LENG8: variants seen among roughly 807,000 people sequenced by gnomAD.
LENG8 encodes the protein leukocyte receptor cluster (LRC) member 8.
LENG8 carries 28 observed loss-of-function variants against 102.1 expected under a neutral mutation model. The observed-to-expected ratio is 0.27, with a 90% CI of 0.20 to 0.38. The LOEUF (loss-of-function observed/expected upper bound fraction) is 0.38, where lower values mean the gene tolerates loss of function less well. Among genes scored for constraint, LENG8 ranks in the 10% least tolerant of loss-of-function variants. The probability of loss-of-function intolerance (pLI) is 1.00; values close to 1 mark genes in which losing one functional copy is unlikely to be tolerated. For synonymous variants in LENG8, 531 were observed against 456.7 expected (o/e 1.16, Z -2.07); for missense variants, 1,022 against 1,113.9 (o/e 0.92, Z 1.17).
Position 54,454,451 on chromosome 19 carries a change from G to A in LENG8, c.448G>A (p.Glu150Lys). 1.9e-6 allele frequency: 3 copies of A among 1,611,474 alleles called. No individual in the cohort carries two copies. Among genetic ancestry groups the A allele is most frequent in the Admixed American group, 1.7e-5 (1 of 59,806 alleles). The change falls in exon 6 of 16, where the codon GAG becomes AAG. Residue 150 changes from glutamate to lysine, a missense_variant. Physicochemically the swap from Glu to Lys is moderately conservative, Grantham distance 56. This residue lies in a region of LENG8 where 343 missense variants were observed against 320.2 expected (regional missense o/e 1.07). Transcript: ENST00000326764. Reference sequence around the variant, plus strand: ...GCAGCCCCCAGTCCCCGGCATGGATGAGAGCATGTCCTACCAGGCTCCCCC... The same window carrying A: ...GCAGCCCCCAGTCCCCGGCATGGATAAGAGCATGTCCTACCAGGCTCCCCC... Reference protein sequence around the residue: ...LNQPPVPGMDESMSYQAPPQQ... With the variant: ...LNQPPVPGMDKSMSYQAPPQQ...
rs541280344 is a variant in LENG8, at chr19:54,461,364, C to T, written c.*436C>T. 19 of 458,058 alleles carry T rather than the reference C, an allele frequency of 4.1e-5. No individual in the cohort carries two copies. The highest frequency in any genetic ancestry group is 1.4e-4 in the Admixed American group (6 of 42,306). 28.4% of individuals were successfully genotyped at this position (458,058 alleles called of 1,614,324 possible). A position where few individuals can be genotyped will look rare whatever the true frequency, so the allele number is the denominator to read the frequency against. ...CTGCGGCGGGGGCACCCAGCAAGCC[C>T]GCCCACCGCCCGCTGCCTCACCTGC... On this transcript the variant is annotated 3_prime_UTR_variant, in exon 16 of 16. Coordinates refer to ENST00000326764, the MANE Select transcript of LENG8 (RefSeq NM_052925.4).
chr19:54,458,458 G>A lies in LENG8; in HGVS notation c.2177G>A (p.Gly726Asp). The A allele has an allele frequency of 6.2e-7, 1 of 1,614,252 alleles. No homozygotes were observed. Among genetic ancestry groups the A allele is most frequent in the Non-Finnish European group, 8.5e-7 (1 of 1,180,044 alleles). Residue 726 changes from glycine (G) to aspartate (D), a missense_variant, in exon 15 of 16, where the codon GGC becomes GAC. Transcript: ENST00000326764. ...TACTGCCATGCACCCTGCATGTCTG[G>A]CTACCTCGTGGACAAGTTTGCAGAT... The part of the protein sequence containing the change: ...RLYCHAPCMS[G>D]YLVDKFADRE...
intron 15 of LENG8, chr19:54,459,114 A>C: frequency 2.2e-6 from 3 of 1,355,010 alleles, no homozygotes; most frequent in Admixed American, 3.2e-5. Context: ...GAGTTGCTTG[A>C]CTCATGTTTA....
chr19:54,457,183 G>A (rs1424932611), intron 11 of LENG8, among the ~76,000 whole-genome samples: 2 of 152,248 alleles, frequency 1.3e-5, no homozygotes, highest in Non-Finnish European at 2.9e-5. Context: ...GTGACACGGA[G>A]CATAAAGCCT....
Position 54,461,460 on chromosome 19 carries a change from G to C in LENG8, c.*532G>C, listed in dbSNP as rs976865686. 2.2e-6 allele frequency: 1 copy of C among 461,780 alleles called. No homozygotes were observed. The highest frequency in any genetic ancestry group is 4.4e-6 in the Non-Finnish European group (1 of 226,384). The allele number at this position is 461,780 out of a possible 1,614,324, so 28.6% of individuals were successfully genotyped here. The stretch of plus-strand genomic sequence containing the variant: ...GGGGTGGGGGAGCTGCTTAGAGACT[G>C]TGCCCGTCCTCGGCCCCCCACCCTG... On this transcript the variant is annotated 3_prime_UTR_variant, in exon 16 of 16. Transcript: ENST00000326764.
intron 15 of LENG8, chr19:54,459,175 G>A (rs2084406619): frequency 8.3e-7 from 1 of 1,208,334 alleles, no homozygotes; most frequent in African/African-American, 1.5e-5. Flanking sequence ...GCTGGGCAAT[G>A]TCAAGAGAGG....
rs1238407198 is a variant in LENG8 at position 54,461,739 on chromosome 19, CTCTTT to C, written c.*817_*821del. The C allele has an allele frequency of 3.9e-6, 2 of 518,408 alleles. No homozygotes were observed. The highest frequency in any genetic ancestry group is 5.5e-5 in the East Asian group (1 of 18,150). The allele number at this position is 518,408 out of a possible 1,614,324, so 32.1% of individuals were successfully genotyped here. ...TCACCAGCTCACGTCATGTTGCCTT[CTCTTT>C]TCTTTGTGTGTGTGTTTATTTAAGT... On this transcript the variant is annotated 3_prime_UTR_variant, in exon 16 of 16. Transcript: ENST00000326764.
chr19:54,460,778 G>A lies in LENG8; in HGVS notation c.2253G>A (p.Ala751=), dbSNP rs1260495799. 8.0e-6 allele frequency: 11 copies of A among 1,369,314 alleles called. No homozygotes were observed. The highest frequency in any genetic ancestry group is 9.7e-6 in the Non-Finnish European group (10 of 1,031,322). The allele number at this position is 1,369,314 out of a possible 1,614,324, so 84.8% of individuals were successfully genotyped here. A position where few individuals can be genotyped will look rare whatever the true frequency, so the allele number is the denominator to read the frequency against. The change falls in exon 16 of 16, where the codon GCG becomes GCA. Residue 751 remains alanine (A), a synonymous_variant. Transcript: ENST00000326764. ...CTTGTCTCCATAGCTTCCGCCCTGC[G>A]CTGCCAGTCTCCTACCTGCAGGCCG... ...LKAMIKTFRP[A]LPVSYLQAEL...
rs2084519084 is a variant in LENG8 at position 54,460,982 on chromosome 19, G to T, written c.*54G>T. On this transcript the variant is annotated 3_prime_UTR_variant, in exon 16 of 16. Transcript: ENST00000326764. ...GGCTGCAGCCCCCAGCGCTGCCTTT[G>T]CGGATTCTGTTTTTGAGCCGTGGAC... The T allele has an allele frequency of 1.3e-6, 2 of 1,534,954 alleles. No homozygotes were observed. Among genetic ancestry groups the T allele is most frequent in the African/African-American group, 1.4e-5 (1 of 72,990 alleles).
rs373785286 is a variant in LENG8 at position 54,460,485 on chromosome 19, C to T, written c.2241-281C>T. On this transcript the variant is annotated intron_variant, in intron 15 of 15. Coordinates refer to ENST00000326764, the MANE Select transcript of LENG8 (RefSeq NM_052925.4). The stretch of plus-strand genomic sequence containing the variant: ...CATCTGGTCCCTGCCCCTCAGCCAG[C>T]GGAGGAGCCCGCTGGGCCCTTCCCT... The T allele has an allele frequency of 6.3e-5, 85 of 1,339,996 alleles. No homozygotes were observed. In the African/African-American group the frequency reaches 7.7e-4, roughly 12 times the overall value. 83.0% of individuals were successfully genotyped at this position (1,339,996 alleles called of 1,614,324 possible). A position where few individuals can be genotyped will look rare whatever the true frequency, so the allele number is the denominator to read the frequency against.
At position 54,456,890 on chromosome 19, in the gene LENG8, C is replaced by T. The variant is rs1228269201; in HGVS notation, c.1700C>T (p.Ala567Val). Reference sequence around the variant, plus strand: ...AAGCACTACCTGCGCCTCACCTGTGCCCCCGACCCGTCCACCGTGCGCCCT... The same window carrying T: ...AAGCACTACCTGCGCCTCACCTGTGTCCCCGACCCGTCCACCGTGCGCCCT... Reference protein sequence around the residue: ...ITKHYLRLTCAPDPSTVRPVA... With the variant: ...ITKHYLRLTCVPDPSTVRPVA... Residue 567 changes from alanine (A) to valine (V), a missense_variant, in exon 11 of 16, where the codon GCC (alanine) becomes GTC (valine). Around this residue, in one of 7 missense-constraint regions of LENG8, gnomAD observed 158 missense variants for 229.0 expected, o/e 0.69. Transcript: ENST00000326764. The T allele has an allele frequency of 1.2e-6, 2 of 1,609,012 alleles. No individual in the cohort carries two copies. The highest frequency in any genetic ancestry group is 1.7e-6 in the Non-Finnish European group (2 of 1,179,754).
intron 3 of LENG8, 93 bp from the exon 4 acceptor site, chr19:54,452,558 G>A (rs576421433): frequency 5.9e-6 from 6 of 1,023,790 alleles, no homozygotes; most frequent in Non-Finnish European, 9.3e-6. Flanking sequence ...TTCATCCCTT[G>A]GCAATTGGCC....
At chr19:54,460,690 G>A (rs1475493022) in intron 15 of LENG8, 76 bp from the exon 16 acceptor site, 11 of 1,448,426 alleles carry the variant, frequency 7.6e-6, no homozygotes, top group Non-Finnish European at 1.0e-5. Context: ...CCGAATGGGG[G>A]GGCCTCCCCG....
rs2066169922 is a variant in LENG8 at position 54,451,337 on chromosome 19, A to G, written c.-8A>G. Reference sequence around the variant, plus strand: ...CCCGAGGTCCACCCCTTATACCCCAAGGTCCAGATGGCGGCCAACGTGGGT... The same window carrying G: ...CCCGAGGTCCACCCCTTATACCCCAGGGTCCAGATGGCGGCCAACGTGGGT... On this transcript the variant is annotated 5_prime_UTR_variant, in exon 2 of 16. Coordinates refer to ENST00000326764, the MANE Select transcript of LENG8 (RefSeq NM_052925.4). 3.1e-6 allele frequency: 5 copies of G among 1,614,172 alleles called. No individual in the cohort carries two copies. Among genetic ancestry groups the G allele is most frequent in the Non-Finnish European group, 3.4e-6 (4 of 1,180,022 alleles).
In LENG8 at chr19:54,454,951, C is replaced by T; in HGVS notation, c.680C>T (p.Pro227Leu). 6.2e-7 allele frequency: 1 copy of T among 1,614,186 alleles called. No homozygotes were observed. Among genetic ancestry groups the T allele is most frequent in the South Asian group, 1.1e-5 (1 of 91,082 alleles). Residue 227 changes from proline to leucine, a missense_variant and splice_region_variant, in exon 7 of 16, where the codon CCC becomes CTC. By Grantham distance (98) the Pro-to-Leu change is moderately conservative. Around this residue, in one of 7 missense-constraint regions of LENG8, gnomAD observed 343 missense variants for 320.2 expected, o/e 1.07. Coordinates refer to ENST00000326764, the MANE Select transcript of LENG8 (RefSeq NM_052925.4). ...ACCATAGCTTTCGCTGCCCTCACAG[C>T]CGCCCCTGGGACTGGAGGTCTCAAG... ...KGQQLWNRMKPAPGTGGLKFN... is the reference protein window; with the variant it reads ...KGQQLWNRMKLAPGTGGLKFN...
At chr19:54,453,702 T>A (rs755943606) in intron 5 of LENG8, 46 bp downstream of exon 5, 6 of 1,388,840 alleles carry the variant, frequency 4.3e-6, no homozygotes, top group Non-Finnish European at 6.0e-6. Context: ...GCAGAGGAAG[T>A]GTAGATTTTT....
intron 15 of LENG8, chr19:54,458,742 C>T (rs1569305500): frequency 6.4e-7 from 1 of 1,551,336 alleles, no homozygotes; most frequent in East Asian, 2.4e-5. Context: ...TCCCTCTCCC[C>T]ACTGTTCCCA....
At chr19:54,459,043 C>A in intron 15 of LENG8, 2 of 1,432,600 alleles carry the variant, frequency 1.4e-6, no homozygotes, top group Non-Finnish European at 1.8e-6. Context: ...CTGGTCAGGC[C>A]ATGCCCCTGC....
rs747309125 is a variant in LENG8, at chr19:54,461,750, GT to G, written c.*823del. 5.4e-5 allele frequency: 29 copies of G among 535,932 alleles called. No homozygotes were observed. Among genetic ancestry groups the G allele is most frequent in the East Asian group, 1.0e-4 (2 of 19,850 alleles). 33.2% of individuals were successfully genotyped at this position (535,932 alleles called of 1,614,324 possible). A position where few individuals can be genotyped will look rare whatever the true frequency, so the allele number is the denominator to read the frequency against. On this transcript the variant is annotated 3_prime_UTR_variant, in exon 16 of 16. Transcript: ENST00000326764. The stretch of plus-strand genomic sequence containing the variant: ...CGTCATGTTGCCTTCTCTTTTCTTT[GT>G]GTGTGTGTTTATTTAAGTTATTTTT...
Sources: allele counts gnomAD v4.1 joint callset (sites outside exome capture counted in the v4.1 genomes callset), GRCh38; gene constraint gnomAD v4.1.1; regional missense constraint gnomAD v4.1.1; transcripts MANE v1.5; gene names NCBI Gene and HGNC (gene_info 2026-07-23, HGNC 2026-07-21).